Variants in SGIP1 observed in about 807,000 individuals in gnomAD.
SGIP1 encodes SH3-containing GRB2-like protein 3-interacting protein 1.
Under a neutral mutation model 107.5 loss-of-function variants are expected in SGIP1, and 38 were observed. The ratio of observed to expected loss-of-function variants is 0.35; its 90% CI spans 0.27 to 0.46. The LOEUF is 0.46. Ranked by LOEUF, SGIP1 falls within the 20% of genes least tolerant of loss-of-function variation. The probability of loss-of-function intolerance (pLI) is 1.00; values close to 1 mark genes in which losing one functional copy is unlikely to be tolerated. For missense variants in SGIP1, 929 were observed against 1,019.5 expected (o/e 0.91, Z 1.21); for synonymous variants, 365 against 366.1 (o/e 1.00, Z 0.03).
Position 66,625,855 on chromosome 1 carries a change from A to C in SGIP1, c.19A>C (p.Lys7Gln). The C allele has an allele frequency of 6.2e-7, 1 of 1,612,350 alleles. No individual in the cohort carries two copies. Among genetic ancestry groups the C allele is most frequent in the Non-Finnish European group, 8.5e-7 (1 of 1,178,940 alleles). Residue 7 changes from lysine (K) to glutamine (Q), a missense_variant, in exon 2 of 25, where the codon AAA becomes CAA. Lys to Gln is a moderately conservative substitution (Grantham distance 53). Coordinates refer to ENST00000371037, the MANE Select transcript of SGIP1 (RefSeq NM_032291.4). MMEGLK[K>Q]RTRKAFGIRK... ...TTGCTGTTTTCCCACAGGATTGAAA[A>C]AACGTACAAGGAAGGCCTTTGGAAT... is the stretch of plus-strand genomic sequence containing the variant.
At chr1:66,715,400 C>T (rs1429441559) in intron 18 of SGIP1, among the ~76,000 whole-genome samples, 1 of 151,538 alleles carries the variant, frequency 6.6e-6, no homozygotes, top group Non-Finnish European at 1.5e-5. Flanking sequence ...GCTTCCCTGG[C>T]ATCATTGGTC....
intron 18 of SGIP1, among the ~76,000 whole-genome samples, chr1:66,703,231 A>C (rs1032834817): frequency 6.6e-6 from 1 of 152,216 alleles, no homozygotes; most frequent in Non-Finnish European, 1.5e-5. Flanking sequence ...AAATAGAAGA[A>C]TAGAAGAAAG....
At chr1:66,575,192 A>G (rs1373909) in intron 1 of SGIP1, among the ~76,000 whole-genome samples, 77,651 of 152,002 alleles carry the variant, frequency 0.51, 20,810 homozygotes, top group South Asian at 0.78. Flanking sequence ...AGATAACAGC[A>G]AATGGTCTTC....
intron 1 of SGIP1, among the ~76,000 whole-genome samples, chr1:66,572,843 T>A (rs973790534): frequency 2.6e-5 from 4 of 152,100 alleles, no homozygotes; most frequent in African/African-American, 9.7e-5. Context: ...CAATGCGATA[T>A]ATCCATAAGA....
chr1:66,625,302 C>G (rs1428149727), intron 1 of SGIP1, among the ~76,000 whole-genome samples: 2 of 152,170 alleles, frequency 1.3e-5, no homozygotes, highest in Admixed American at 6.5e-5. Context: ...GAAAGAGACA[C>G]AGGAGTGCAA....
At chr1:66,631,906 TTTAGCC>T (rs2074845643) in intron 2 of SGIP1, among the ~76,000 whole-genome samples, 1 of 152,182 alleles carries the variant, frequency 6.6e-6, no homozygotes, top group African/African-American at 2.4e-5. Context: ...CGCTGTATGT[TTTAGCC>T]TCTTAAAAAC....
chr1:66,701,242 A>G (rs933820136), intron 18 of SGIP1, among the ~76,000 whole-genome samples: 9 of 152,272 alleles, frequency 5.9e-5, no homozygotes, highest in African/African-American at 2.2e-4. Context: ...GATATGACCA[A>G]TTTTCTGGGG....
chr1:66,608,116 C>T (rs1219003665), intron 1 of SGIP1, among the ~76,000 whole-genome samples: 1 of 152,220 alleles, frequency 6.6e-6, no homozygotes, highest in Non-Finnish European at 1.5e-5. Flanking sequence ...AGGCTCATCA[C>T]TATCTATCCA....
At chr1:66,629,744 G>C (rs1372551400) in intron 2 of SGIP1, among the ~76,000 whole-genome samples, 1 of 152,178 alleles carries the variant, frequency 6.6e-6, no homozygotes, top group Non-Finnish European at 1.5e-5. Context: ...ATTAGAGGGG[G>C]TTAGAAAGTG....
chr1:66,697,141 A>G (rs1277904065), intron 18 of SGIP1, among the ~76,000 whole-genome samples: 1 of 152,168 alleles, frequency 6.6e-6, no homozygotes, highest in African/African-American at 2.4e-5. Context: ...TTATTTGTTT[A>G]TGCTTTATTG....
At chr1:66,631,103 A>AAG (rs2074574199) in intron 2 of SGIP1, among the ~76,000 whole-genome samples, 3 of 132,478 alleles carry the variant, frequency 2.3e-5, no homozygotes, top group Non-Finnish European at 5.0e-5. Context: ...AAGAAAGAAA[A>AAG]AAAGAAAGAC....
intron 18 of SGIP1, among the ~76,000 whole-genome samples, chr1:66,713,667 A>ATTT: frequency 6.6e-6 from 1 of 152,274 alleles, no homozygotes; most frequent in East Asian, 1.9e-4. Context: ...CATAGGGGGA[A>ATTT]GGATATGCCT....
intron 1 of SGIP1, among the ~76,000 whole-genome samples, chr1:66,552,021 A>G (rs1374140754): frequency 2.6e-5 from 4 of 152,114 alleles, no homozygotes; most frequent in Non-Finnish European, 5.9e-5. Flanking sequence ...TCTTAATCCC[A>G]TTTGATAGAT....
At chr1:66,673,099 T>C (rs1222832477) in intron 11 of SGIP1, among the ~76,000 whole-genome samples, 182 bp from the exon 12 acceptor site, 1 of 152,246 alleles carries the variant, frequency 6.6e-6, no homozygotes, top group Non-Finnish European at 1.5e-5. Context: ...TGTCCCATAA[T>C]ACATCTGACA....
At position 66,635,946 on chromosome 1, in the gene SGIP1, G is replaced by A; in HGVS notation, c.102G>A (p.Gln34=). The A allele has an allele frequency of 1.2e-6, 2 of 1,613,752 alleles. No homozygotes were observed. Among genetic ancestry groups the A allele is most frequent in the South Asian group, 1.1e-5 (1 of 91,032 alleles). Residue 34 remains glutamine (Q), a splice_region_variant and synonymous_variant, in exon 4 of 25, where the codon CAG becomes CAA. Transcript: ENST00000371037. Reference sequence around the variant, plus strand: ...TACATGAAAACAATCAATTCCAGCAGCCCAGCCCACACGAACCACCCTACA... The same window carrying A: ...TACATGAAAACAATCAATTCCAGCAACCCAGCCCACACGAACCACCCTACA... ...STGSPDRDGI[Q]PSPHEPPYNS...
intron 7 of SGIP1, among the ~76,000 whole-genome samples, chr1:66,654,362 T>C (rs1003928423): frequency 6.6e-6 from 1 of 152,210 alleles, no homozygotes; most frequent in African/African-American, 2.4e-5. Context: ...CTGTGGGTCC[T>C]AGTGCACATC....
At chr1:66,694,496 C>A (rs182149289) in intron 17 of SGIP1, 6 of 1,602,830 alleles carry the variant, frequency 3.7e-6, no homozygotes, top group Non-Finnish European at 4.3e-6. Context: ...CGCTGTGAAA[C>A]GCCTGCAGGT....
intron 1 of SGIP1, among the ~76,000 whole-genome samples, chr1:66,559,505 G>A (rs1325885625): frequency 6.6e-6 from 1 of 152,070 alleles, no homozygotes; most frequent in African/African-American, 2.4e-5. Context: ...AGGTAAGGAG[G>A]ACATTTATTA....
At chr1:66,599,621 T>C (rs2148996345) in intron 1 of SGIP1, among the ~76,000 whole-genome samples, 1 of 152,350 alleles carries the variant, frequency 6.6e-6, no homozygotes, top group South Asian at 2.1e-4. Flanking sequence ...ACACATCTTA[T>C]TTAACTACGG....
Sources: gnomAD v4.1 joint callset for allele counts (sites outside exome capture counted in the v4.1 genomes callset) on GRCh38, gnomAD v4.1.1 for gene constraint, MANE v1.5 for transcripts, NCBI Gene and HGNC (gene_info 2026-07-23, HGNC 2026-07-21) for gene names.